The following CDS1 variants were observed in gnomAD, a reference collection of about 807,000 sequenced individuals.
CDS1 encodes phosphatidate cytidylyltransferase 1.
In CDS1, 41 loss-of-function variants were observed where a neutral mutation model predicts 62.1. The ratio of observed to expected loss-of-function variants is 0.66; its 90% CI spans 0.51 to 0.86. The LOEUF (loss-of-function observed/expected upper bound fraction) is 0.86, where lower values mean the gene tolerates loss of function less well. Among genes scored for constraint, CDS1 ranks in the 40% least tolerant of loss-of-function variants. CDS1 has a pLI of 0.00. For synonymous variants in CDS1, 185 were observed against 192.6 expected, an observed-to-expected ratio of 0.96 and a Z score of 0.32; for missense variants, 470 against 550.1, an observed-to-expected ratio of 0.85 and a Z score of 1.46.
chr4:84,631,649 A>G (rs1362567853), intron 5 of CDS1, among the ~76,000 whole-genome samples, 170 bp from the exon 6 acceptor site: 2 of 152,222 alleles, frequency 1.3e-5, no homozygotes, highest in Non-Finnish European at 2.9e-5. Flanking sequence ...TGTTTCCCTC[A>G]AGAAACTTAC....
intron 5 of CDS1, among the ~76,000 whole-genome samples, chr4:84,624,004 GCTCACA>G (rs1723772004): frequency 6.6e-6 from 1 of 152,014 alleles, no homozygotes. Flanking sequence ...GGGCGCAGTG[GCTCACA>G]CCTATAATCC....
At chr4:84,637,632 C>G (rs1264108853) in intron 8 of CDS1, among the ~76,000 whole-genome samples, 1 of 152,138 alleles carries the variant, frequency 6.6e-6, no homozygotes, top group East Asian at 1.9e-4. Context: ...GGTGGAGACA[C>G]AGATCCAAAC....
intron 11 of CDS1, among the ~76,000 whole-genome samples, chr4:84,643,775 A>G (rs1405648151): frequency 1.3e-5 from 2 of 152,208 alleles, no homozygotes; most frequent in Admixed American, 1.3e-4. Flanking sequence ...CCCCTGTTCC[A>G]GAGACCTAAA....
At chr4:84,591,141 G>A (rs1039474169) in intron 1 of CDS1, among the ~76,000 whole-genome samples, 1 of 152,154 alleles carries the variant, frequency 6.6e-6, no homozygotes, top group Admixed American at 6.5e-5. Flanking sequence ...GAAAAATTAA[G>A]ATATATACAC....
intron 6 of CDS1, 83 bp downstream of exon 6, chr4:84,631,960 C>T (rs1014638996): frequency 1.6e-5 from 14 of 853,110 alleles, no homozygotes; most frequent in Admixed American, 3.8e-5. Context: ...AAGATACAGT[C>T]GAATCTGCTA....
intron 3 of CDS1, among the ~76,000 whole-genome samples, chr4:84,614,127 T>G (rs186584723): frequency 6.6e-6 from 1 of 152,222 alleles, no homozygotes; most frequent in Non-Finnish European, 1.5e-5. Context: ...TCAAAAATTT[T>G]GTGGCCAGGT....
intron 11 of CDS1, among the ~76,000 whole-genome samples, chr4:84,643,966 C>G (rs1724473302): frequency 1.3e-5 from 2 of 152,150 alleles, no homozygotes; most frequent in Non-Finnish European, 2.9e-5. Flanking sequence ...GAGAAAAGAA[C>G]TCCTCCAGAG....
chr4:84,598,153 A>C (rs951277659), intron 1 of CDS1, among the ~76,000 whole-genome samples: 1 of 150,012 alleles, frequency 6.7e-6, no homozygotes, highest in African/African-American at 2.5e-5. Flanking sequence ...AAAAAGAAAA[A>C]GAAAACCATG....
intron 1 of CDS1, among the ~76,000 whole-genome samples, chr4:84,591,908 C>T (rs1437643539): frequency 6.6e-6 from 1 of 152,038 alleles, no homozygotes; most frequent in Admixed American, 6.6e-5. Flanking sequence ...ATGTTGGCAG[C>T]GGATTAGAAA....
At chr4:84,588,885 C>G (rs975014170) in intron 1 of CDS1, among the ~76,000 whole-genome samples, 4 of 152,172 alleles carry the variant, frequency 2.6e-5, no homozygotes, top group African/African-American at 9.7e-5. Context: ...AGTCCCCTCT[C>G]ATAATCCTAA....
intron 10 of CDS1, among the ~76,000 whole-genome samples, chr4:84,642,571 A>G (rs1724418584): frequency 1.3e-5 from 2 of 152,162 alleles, no homozygotes; most frequent in Non-Finnish European, 2.9e-5. Flanking sequence ...GTGTTTTTCC[A>G]CAGCATTCAT....
chr4:84,640,789 G>C (rs781202675), intron 9 of CDS1, 49 bp from the exon 10 acceptor site: 1 of 1,420,982 alleles, frequency 7.0e-7, no homozygotes, highest in Admixed American at 2.3e-5. Flanking sequence ...AATGTGTTAT[G>C]AACTTTTGCT....
At chr4:84,621,218 C>T (rs1326297073) in intron 5 of CDS1, among the ~76,000 whole-genome samples, 1 of 152,130 alleles carries the variant, frequency 6.6e-6, no homozygotes, top group African/African-American at 2.4e-5. Flanking sequence ...TGTGAGTTTT[C>T]ACCTTAGCTG....
chr4:84,635,213 T>C (rs368292788), intron 7 of CDS1, 51 bp from the exon 8 acceptor site: 14 of 880,164 alleles, frequency 1.6e-5, no homozygotes, highest in Non-Finnish European at 2.0e-5. Flanking sequence ...ATCTGCCACT[T>C]ACTCAGGTGA....
chr4:84,607,300 A>G (rs1246286020), intron 2 of CDS1, among the ~76,000 whole-genome samples: 1 of 150,152 alleles, frequency 6.7e-6, no homozygotes, highest in Non-Finnish European at 1.5e-5. Flanking sequence ...TTTTTTTTTT[A>G]AGAGACAGTA....
chr4:84,596,422 T>G (rs1274226560), intron 1 of CDS1, among the ~76,000 whole-genome samples: 1 of 152,188 alleles, frequency 6.6e-6, no homozygotes, highest in Non-Finnish European at 1.5e-5. Context: ...TTGCCTTTTC[T>G]AGCTTCTAGA....
intron 1 of CDS1, among the ~76,000 whole-genome samples, chr4:84,597,262 T>A (rs891253554): frequency 2.0e-5 from 3 of 151,950 alleles, no homozygotes; most frequent in Non-Finnish European, 4.4e-5. Flanking sequence ...TAAAAAAAAA[T>A]AAGGAGGCTT....
intron 5 of CDS1, among the ~76,000 whole-genome samples, chr4:84,630,087 G>A (rs923175220): frequency 7.9e-5 from 12 of 152,008 alleles, no homozygotes; most frequent in African/African-American, 2.2e-4. Context: ...CTTTAACCAC[G>A]GATCAGTGGC....
chr4:84,588,073 C>T (rs577394308), intron 1 of CDS1, among the ~76,000 whole-genome samples: 230 of 152,264 alleles, frequency 1.5e-3, no homozygotes, highest in African/African-American at 5.3e-3. Context: ...CAAAATATGT[C>T]AAAGAAGTAT....
Sources: gnomAD v4.1 joint callset for allele counts (sites outside exome capture counted in the v4.1 genomes callset) on GRCh38, gnomAD v4.1.1 for gene constraint, MANE v1.5 for transcripts, NCBI Gene and HGNC (gene_info 2026-07-23, HGNC 2026-07-21) for gene names.